Variants in RBFOX1 observed in about 807,000 individuals in gnomAD.
The protein encoded by RBFOX1 is RNA binding protein fox-1 homolog 1.
In RBFOX1, 8 loss-of-function variants were observed where a neutral mutation model predicts 57.7. The ratio of observed to expected loss-of-function variants is 0.14; its 90% CI spans 0.08 to 0.25. The LOEUF is 0.25. Among genes scored for constraint, RBFOX1 ranks in the 10% least tolerant of loss-of-function variants. RBFOX1 has a pLI of 1.00. For missense variants in RBFOX1, 611 were observed against 548.5 expected (o/e 1.11, Z -1.14); for synonymous variants, 326 against 222.4 (o/e 1.47, Z -4.15).
At chr16:7,016,750 T>G (rs922859534) in intron 3 of RBFOX1, among the ~76,000 whole-genome samples, 1 of 152,214 alleles carries the variant, frequency 6.6e-6, no homozygotes, top group Admixed American at 6.5e-5. Flanking sequence ...AACTGTCTAC[T>G]TCACTGGGCC....
At chr16:6,987,289 A>T (rs564150881) in intron 3 of RBFOX1, among the ~76,000 whole-genome samples, 21 of 152,214 alleles carry the variant, frequency 1.4e-4, no homozygotes, top group African/African-American at 4.3e-4. Context: ...GAATCTTAGG[A>T]TCATCTGGTT....
intron 2 of RBFOX1, among the ~76,000 whole-genome samples, chr16:6,450,295 T>C (rs910189876): frequency 6.6e-6 from 1 of 152,124 alleles, no homozygotes; most frequent in Non-Finnish European, 1.5e-5. Context: ...AAGCTCCCGA[T>C]AAAGAGAGTG....
chr16:5,837,488 T>C (rs1253017952), intron 3 of RBFOX1, among the ~76,000 whole-genome samples: 4 of 152,038 alleles, frequency 2.6e-5, no homozygotes, highest in Admixed American at 2.6e-4. Context: ...AGCCACCCTC[T>C]GCCCTCCTCC....
intron 3 of RBFOX1, among the ~76,000 whole-genome samples, chr16:5,685,018 G>C (rs1483475945): frequency 6.6e-6 from 1 of 152,128 alleles, no homozygotes; most frequent in Non-Finnish European, 1.5e-5. Context: ...GTTAGGATCT[G>C]GTGTAAAGTG....
chr16:6,070,785 C>G (rs750465063), intron 1 of RBFOX1, among the ~76,000 whole-genome samples: 2 of 151,884 alleles, frequency 1.3e-5, no homozygotes, highest in Non-Finnish European at 2.9e-5. Flanking sequence ...GAAGTTAGCT[C>G]CTAGGTAATA....
intron 2 of RBFOX1, among the ~76,000 whole-genome samples, chr16:6,409,347 G>A (rs1243444304): frequency 1.3e-5 from 2 of 152,168 alleles, no homozygotes; most frequent in African/African-American, 4.8e-5. Flanking sequence ...CTGGGAGGCG[G>A]ATGTTGCAGT....
chr16:7,374,753 C>T (rs1356871241), intron 4 of RBFOX1, among the ~76,000 whole-genome samples: 1 of 152,264 alleles, frequency 6.6e-6, no homozygotes, highest in Non-Finnish European at 1.5e-5. Flanking sequence ...TCTTTTAATG[C>T]CTTTGTTTTC....
chr16:7,142,252 G>C (rs542297628), intron 4 of RBFOX1, among the ~76,000 whole-genome samples: 1 of 152,052 alleles, frequency 6.6e-6, no homozygotes, highest in Admixed American at 6.6e-5. Flanking sequence ...TTGATCTGCT[G>C]AGCTCAAGCA....
chr16:7,214,186 C>T (rs542706229), intron 4 of RBFOX1, among the ~76,000 whole-genome samples: 68 of 152,160 alleles, frequency 4.5e-4, no homozygotes, highest in African/African-American at 1.6e-3. Flanking sequence ...CACAGTAGAC[C>T]CTTCATTTAT....
At chr16:5,879,315 G>A (rs910835457) in intron 4 of RBFOX1, among the ~76,000 whole-genome samples, 6 of 152,194 alleles carry the variant, frequency 3.9e-5, no homozygotes, top group South Asian at 2.1e-4. Context: ...TCCTCAGATC[G>A]TATTTGGACT....
intron 2 of RBFOX1, chr16:6,483,065 G>C (rs891601099): frequency 1.1e-6 from 1 of 908,138 alleles, no homozygotes; most frequent in Non-Finnish European, 1.3e-6. Flanking sequence ...AGCCAGCTCG[G>C]AGCTTTGCAA....
intron 3 of RBFOX1, among the ~76,000 whole-genome samples, chr16:5,817,804 C>T (rs2055696712): frequency 6.6e-6 from 1 of 151,782 alleles, no homozygotes; most frequent in African/African-American, 2.4e-5. Context: ...CGCCATTCTC[C>T]TGCCTCAGCC....
At chr16:6,979,454 T>A (rs527242950) in intron 3 of RBFOX1, among the ~76,000 whole-genome samples, 3 of 152,302 alleles carry the variant, frequency 2.0e-5, no homozygotes, top group African/African-American at 7.2e-5. Context: ...TTACAGTGAT[T>A]TACAGCATCT....
chr16:5,342,530 C>G (rs1379985693), intron 1 of RBFOX1, among the ~76,000 whole-genome samples: 2 of 152,246 alleles, frequency 1.3e-5, no homozygotes, highest in East Asian at 3.9e-4. Context: ...TCCCAAAGTT[C>G]CTGCAATGTA....
At chr16:7,073,700 T>C (rs11077132) in intron 4 of RBFOX1, among the ~76,000 whole-genome samples, 87,932 of 150,442 alleles carry the variant, frequency 0.58, 29,124 homozygotes, top group East Asian at 0.89. Context: ...AAAAAAAATA[T>C]ATACAAAAAA....
chr16:7,460,737 T>C (rs1349934345), intron 4 of RBFOX1, among the ~76,000 whole-genome samples: 2 of 151,724 alleles, frequency 1.3e-5, no homozygotes, highest in Admixed American at 1.3e-4. Flanking sequence ...CAATGAGATA[T>C]CTAAATGAAT....
intron 4 of RBFOX1, among the ~76,000 whole-genome samples, chr16:7,290,542 C>A (rs1603504575): frequency 6.6e-6 from 1 of 152,144 alleles, no homozygotes; most frequent in South Asian, 2.1e-4. Context: ...ATGAATTAAC[C>A]AACTAGTAAA....
At chr16:7,138,677 C>G (rs2072739485) in intron 4 of RBFOX1, among the ~76,000 whole-genome samples, 1 of 152,168 alleles carries the variant, frequency 6.6e-6, no homozygotes, top group East Asian at 1.9e-4. Context: ...GAGGACCTGC[C>G]TAATCATCTA....
intron 1 of RBFOX1, among the ~76,000 whole-genome samples, chr16:6,234,931 C>A (rs1053823773): frequency 1.3e-5 from 2 of 152,170 alleles, no homozygotes; most frequent in Non-Finnish European, 2.9e-5. Flanking sequence ...AAAATGTTTC[C>A]ATTGGGGGAA....
Sources: gnomAD v4.1 joint callset for allele counts (sites outside exome capture counted in the v4.1 genomes callset) on GRCh38, gnomAD v4.1.1 for gene constraint, MANE v1.5 for transcripts, NCBI Gene and HGNC (gene_info 2026-07-23, HGNC 2026-07-21) for gene names.